FAM199X: variants seen among roughly 807,000 people sequenced by gnomAD.
The protein encoded by FAM199X is protein FAM199X.
FAM199X carries 4 observed loss-of-function variants against 22.9 expected under a neutral mutation model. That is an observed-to-expected ratio of 0.17 (90% CI 0.09 to 0.40). The LOEUF is 0.40. Among genes scored for constraint, FAM199X ranks in the 10% least tolerant of loss-of-function variants. The pLI is 1.00. For missense variants in FAM199X, 183 were observed against 306.8 expected (o/e 0.60, Z 3.01); for synonymous variants, 101 against 112.3 (o/e 0.90, Z 0.64).
intron 5 of FAM199X, among the ~76,000 whole-genome samples, 184 bp from the exon 6 acceptor site, chrX:104,189,424 A>G (rs1921884485): frequency 8.9e-6 from 1 of 111,878 alleles, no homozygotes. Context: ...AAATACCACA[A>G]AATTGGAATC....
intron 2 of FAM199X, among the ~76,000 whole-genome samples, chrX:104,179,931 C>T (rs1319969742): frequency 9.4e-6 from 1 of 105,830 alleles, no homozygotes; most frequent in African/African-American, 3.4e-5. Context: ...AAGATTTTCT[C>T]ATTTAAGATA....
intron 2 of FAM199X, among the ~76,000 whole-genome samples, chrX:104,177,430 G>A (rs1283066808): frequency 3.6e-5 from 4 of 111,922 alleles, no homozygotes; most frequent in African/African-American, 1.3e-4. Flanking sequence ...TGAACATTCA[G>A]GTTCAAGTTT....
intron 2 of FAM199X, 43 bp from the exon 3 acceptor site, chrX:104,186,023 A>G: frequency 8.6e-7 from 1 of 1,165,958 alleles, no homozygotes; most frequent in Non-Finnish European, 1.1e-6. Flanking sequence ...TAGTCTGAAC[A>G]AATTTTGCTT....
chrX:104,160,199 G>A, the FAM199X span, among the ~76,000 whole-genome samples: 4 of 112,131 alleles, frequency 3.6e-5, no homozygotes, highest in South Asian at 1.5e-3. Flanking sequence ...AGTCAGGAGT[G>A]AGTTAAGATG....
In FAM199X at chrX:104,166,512, G is replaced by A. The variant is rs1280256416; in HGVS notation, c.-274G>A. 6 of 202,878 alleles carry A rather than the reference G, an allele frequency of 3.0e-5. No homozygotes were observed. The highest frequency in any genetic ancestry group is 4.7e-4 in the South Asian group (2 of 4,217). The allele number at this position is 202,878 out of a possible 1,213,427, so 16.7% of individuals were successfully genotyped here. On this transcript the variant is annotated 5_prime_UTR_variant, in exon 1 of 6. Transcript: ENST00000493442. The stretch of plus-strand genomic sequence containing the variant: ...CCTGGCCGGGCCGGGCGGCGGCGCT[G>A]CGCTGACGGGCTGAGTCTGGCGGCG...
rs1556381480 is a variant in FAM199X, at chrX:104,195,642, T to A, written c.*5864T>A. On this transcript the variant is annotated 3_prime_UTR_variant, in exon 6 of 6. Coordinates refer to ENST00000493442, the MANE Select transcript of FAM199X (RefSeq NM_207318.4). ...AGCAGTTCTATGTATGGAGGAGCAA[T>A]TCAGCTTTTCAGCAGCAACTTTATC... 2.7e-5 allele frequency: 3 copies of A among 111,272 alleles called. No individual in the cohort carries two copies. Among genetic ancestry groups the A allele is most frequent in the Non-Finnish European group, 5.7e-5 (3 of 52,999 alleles). 9.2% of individuals were successfully genotyped at this position (111,272 alleles called of 1,213,427 possible).
Position 104,190,932 on chromosome X carries a change from G to A in FAM199X, c.*1154G>A, listed in dbSNP as rs1466909854. 3.6e-5 allele frequency: 4 copies of A among 111,860 alleles called. No homozygotes were observed. The East Asian group carries it at 1.1e-3, about 31-fold the overall frequency. The allele number at this position is 111,860 out of a possible 1,213,427, so 9.2% of individuals were successfully genotyped here. ...GAGTTTCTTTAAATGTTTTCCTAGAGTGTTTGTTATCATGAACATTAGAAA... is the reference window on the plus strand; with the variant it reads ...GAGTTTCTTTAAATGTTTTCCTAGAATGTTTGTTATCATGAACATTAGAAA... On this transcript the variant is annotated 3_prime_UTR_variant, in exon 6 of 6. Transcript: ENST00000493442.
upstream of FAM199X, among the ~76,000 whole-genome samples, chrX:104,165,021 T>G (rs1469017514): frequency 8.9e-6 from 1 of 112,548 alleles, no homozygotes; most frequent in Non-Finnish European, 1.9e-5. Flanking sequence ...TCTCTTGTTT[T>G]TGGGGACTAA....
In FAM199X at chrX:104,193,058, C is replaced by G. The variant is rs1411198579; in HGVS notation, c.*3280C>G. 9.0e-6 allele frequency: 1 copy of G among 111,541 alleles called. No homozygotes were observed. The highest frequency in any genetic ancestry group is 3.2e-5 in the African/African-American group (1 of 30,859). The allele number at this position is 111,541 out of a possible 1,213,427, so 9.2% of individuals were successfully genotyped here. A position where few individuals can be genotyped will look rare whatever the true frequency, so the allele number is the denominator to read the frequency against. ...GCAGAGACTTTTTGTTTGTGGCTTA[C>G]TCTGTATAGCCTCATGTGCCTTAAA... is the stretch of plus-strand genomic sequence containing the variant. On this transcript the variant is annotated 3_prime_UTR_variant, in exon 6 of 6. Transcript: ENST00000493442.
In FAM199X at chrX:104,193,491, T is replaced by C. The variant is rs1398734140; in HGVS notation, c.*3713T>C. The C allele has an allele frequency of 8.9e-6, 1 of 112,096 alleles. No homozygotes were observed. Among genetic ancestry groups the C allele is most frequent in the Non-Finnish European group, 1.9e-5 (1 of 53,045 alleles). 9.2% of individuals were successfully genotyped at this position (112,096 alleles called of 1,213,427 possible). ...ATTCTCTAGGAATTCTTTGAACTCA[T>C]TTGTGTAATAGCTGGAACACACTCC... is the stretch of plus-strand genomic sequence containing the variant. On this transcript the variant is annotated 3_prime_UTR_variant, in exon 6 of 6. Transcript: ENST00000493442.
Position 104,175,716 on chromosome X carries a change from C to T in FAM199X, c.291C>T (p.Cys97=). 8.3e-7 allele frequency: 1 copy of T among 1,210,596 alleles called. No homozygotes were observed. The highest frequency in any genetic ancestry group is 1.1e-6 in the Non-Finnish European group (1 of 894,549). ...SSVSVGDQDD[C]YSLLDDQDFT... Reference sequence around the variant, plus strand: ...TGTCTGTTGGAGATCAAGATGATTGCTATTCCCTGTTAGATGATCAGGACT... The same window carrying T: ...TGTCTGTTGGAGATCAAGATGATTGTTATTCCCTGTTAGATGATCAGGACT... Residue 97 remains cysteine, a synonymous_variant, in exon 2 of 6, where the codon TGC becomes TGT. Transcript: ENST00000493442.
At chrX:104,188,724 C>T (rs1921863267) in intron 5 of FAM199X, among the ~76,000 whole-genome samples, 1 of 111,260 alleles carries the variant, frequency 9.0e-6, no homozygotes, top group Non-Finnish European at 1.9e-5. Context: ...TTAAATGTTT[C>T]TTCTTAGCTA....
At chrX:104,184,299 G>A (rs1166264034) in intron 2 of FAM199X, among the ~76,000 whole-genome samples, 3 of 111,795 alleles carry the variant, frequency 2.7e-5, no homozygotes, top group Admixed American at 9.5e-5. Context: ...TTTGGTAACC[G>A]CAGAAGCCTA....
intron 1 of FAM199X, among the ~76,000 whole-genome samples, chrX:104,167,912 T>C (rs1443485665): frequency 9.0e-6 from 1 of 110,980 alleles, no homozygotes; most frequent in African/African-American, 3.3e-5. Flanking sequence ...GGTGTGTGGT[T>C]AAGGCTCTAG....
intron 2 of FAM199X, among the ~76,000 whole-genome samples, chrX:104,178,074 T>C (rs782077770): frequency 1.8e-5 from 2 of 112,476 alleles, no homozygotes; most frequent in East Asian, 2.8e-4. Flanking sequence ...AGTTCTTACA[T>C]GTAGGTCTTT....
intron 2 of FAM199X, among the ~76,000 whole-genome samples, chrX:104,180,744 A>C (rs1480612521): frequency 8.9e-6 from 1 of 112,492 alleles, no homozygotes; most frequent in Non-Finnish European, 1.9e-5. Context: ...GAATATAATT[A>C]CAAATTGTAT....
Position 104,166,954 on chromosome X carries a change from G to A in FAM199X, c.169G>A (p.Asp57Asn). The A allele has an allele frequency of 8.5e-7, 1 of 1,176,587 alleles. No homozygotes were observed. Among genetic ancestry groups the A allele is most frequent in the Non-Finnish European group, 1.1e-6 (1 of 876,655 alleles). The change falls in exon 1 of 6, where the codon GAC (aspartate) becomes AAC (asparagine). Residue 57 changes from aspartate to asparagine, a missense_variant. This residue lies in a region of FAM199X where 55 missense variants were observed against 60.6 expected (regional missense o/e 0.91). Coordinates refer to ENST00000493442, the MANE Select transcript of FAM199X (RefSeq NM_207318.4). ...GCQLSSCHRT[D>N]PLHRFHTNRW... is the part of the protein sequence containing the mutation. ...CCAGCTGTCCTCCTGCCATCGCACC[G>A]ACCCGCTCCACCGCTTCCACACCAA...
In FAM199X at chrX:104,166,588, C is replaced by T. The variant is rs1921196549; in HGVS notation, c.-198C>T. On this transcript the variant is annotated 5_prime_UTR_variant, in exon 1 of 6. Transcript: ENST00000493442. Reference sequence around the variant, plus strand: ...CGCTAACTGGGTGGCCGGTGGGCCGCTGTGGCCTCGAGCAGCCTCTTCGCG... The same window carrying T: ...CGCTAACTGGGTGGCCGGTGGGCCGTTGTGGCCTCGAGCAGCCTCTTCGCG... 3.0e-6 allele frequency: 1 copy of T among 333,738 alleles called. No homozygotes were observed. Among genetic ancestry groups the T allele is most frequent in the African/African-American group, 2.7e-5 (1 of 36,683 alleles). The allele number at this position is 333,738 out of a possible 1,213,427, so 27.5% of individuals were successfully genotyped here. A position where few individuals can be genotyped will look rare whatever the true frequency, so the allele number is the denominator to read the frequency against.
At chrX:104,187,535 C>G (rs1374103212) in intron 4 of FAM199X, among the ~76,000 whole-genome samples, 2 of 112,155 alleles carry the variant, frequency 1.8e-5, no homozygotes, top group African/African-American at 3.2e-5. Flanking sequence ...TTTCTCCCAG[C>G]AGACATACTA....
Sources: gnomAD v4.1 joint callset for allele counts (sites outside exome capture counted in the v4.1 genomes callset) on GRCh38, gnomAD v4.1.1 for gene constraint, gnomAD v4.1.1 regional missense constraint, MANE v1.5 for transcripts, NCBI Gene and HGNC (gene_info 2026-07-23, HGNC 2026-07-21) for gene names.